The following MYO3B variants were observed in gnomAD, a reference collection of about 807,000 sequenced individuals.
MYO3B encodes myosin IIIB, also known as myosin-IIIb.
In MYO3B, 156 loss-of-function variants were observed where a neutral mutation model predicts 174.6. The observed-to-expected ratio is 0.89, with a 90% confidence interval of 0.78 to 1.02. MYO3B has a LOEUF of 1.02. MYO3B is among the 50% of genes least tolerant of loss of function. The probability of loss-of-function intolerance (pLI) is 0.00; values close to 1 mark genes in which losing one functional copy is unlikely to be tolerated. For synonymous variants in MYO3B, 563 were observed against 569.1 expected (o/e 0.99, Z 0.15); for missense variants, 1,632 against 1,639.4 (o/e 1.00, Z 0.08).
chr2:170,648,693 TATAATATATATTATATTCTATATA>T (rs1575339146), intron 32 of MYO3B, among the ~76,000 whole-genome samples: 2 of 131,936 alleles, frequency 1.5e-5, no homozygotes, highest in Non-Finnish European at 1.5e-5. Context: ...TTATATTCTA[TATAATATATATTATATTCTATATA>T]ATATGTAAAA....
intron 8 of MYO3B, among the ~76,000 whole-genome samples, chr2:170,355,584 C>T (rs1458457878): frequency 1.3e-5 from 2 of 152,200 alleles, no homozygotes; most frequent in Non-Finnish European, 2.9e-5. Flanking sequence ...TGCCAACTCC[C>T]ACTTGTGTGA....
chr2:170,304,927 C>T (rs1364014574), intron 7 of MYO3B, among the ~76,000 whole-genome samples: 1 of 151,020 alleles, frequency 6.6e-6, no homozygotes, highest in Non-Finnish European at 1.5e-5. Context: ...AAGAATCTGA[C>T]ATTTTAATAC....
intron 7 of MYO3B, among the ~76,000 whole-genome samples, chr2:170,285,326 C>T (rs1450755525): frequency 1.3e-5 from 2 of 151,512 alleles, no homozygotes; most frequent in Non-Finnish European, 2.9e-5. Flanking sequence ...AGGATACTAA[C>T]ATTTTATATT....
chr2:170,351,154 T>C (rs2094064577), intron 8 of MYO3B: 1 of 152,168 alleles, frequency 6.6e-6, no homozygotes, highest in Non-Finnish European at 1.5e-5. Context: ...AGTGCTCAGC[T>C]GGGCTGAAGT....
At chr2:170,287,655 A>G (rs560007583) in intron 7 of MYO3B, among the ~76,000 whole-genome samples, 1 of 152,058 alleles carries the variant, frequency 6.6e-6, no homozygotes, top group East Asian at 1.9e-4. Flanking sequence ...TGAATAGTTT[A>G]CAAATATTTT....
chr2:170,479,975 A>G (rs921004804), intron 25 of MYO3B, among the ~76,000 whole-genome samples: 1 of 148,746 alleles, frequency 6.7e-6, no homozygotes, highest in Admixed American at 6.8e-5. Context: ...ATGTATATGT[A>G]TATATATTAA....
intron 32 of MYO3B, among the ~76,000 whole-genome samples, chr2:170,596,831 T>TA (rs1694183135): frequency 6.6e-6 from 1 of 152,188 alleles, no homozygotes; most frequent in Non-Finnish European, 1.5e-5. Flanking sequence ...CACAGGCCTG[T>TA]AAAATAGGCT....
intron 16 of MYO3B, among the ~76,000 whole-genome samples, chr2:170,394,296 T>C (rs766059118): frequency 6.6e-6 from 1 of 152,042 alleles, no homozygotes; most frequent in African/African-American, 2.4e-5. Context: ...CTTAGGTGGG[T>C]TAAAAGAAAG....
chr2:170,326,958 T>C (rs1223894711), intron 7 of MYO3B, among the ~76,000 whole-genome samples: 1 of 152,240 alleles, frequency 6.6e-6, no homozygotes, highest in Non-Finnish European at 1.5e-5. Flanking sequence ...TTACTGACTA[T>C]AGTGGTTAGG....
chr2:170,384,147 G>C (rs2094356491), intron 12 of MYO3B, among the ~76,000 whole-genome samples: 1 of 152,148 alleles, frequency 6.6e-6, no homozygotes, highest in Non-Finnish European at 1.5e-5. Flanking sequence ...AATAAAAATA[G>C]CATATAGAAT....
intron 30 of MYO3B, among the ~76,000 whole-genome samples, chr2:170,537,200 CAA>C (rs1195145091): frequency 4.4e-3 from 69 of 15,678 alleles, no homozygotes; most frequent in African/African-American, 0.012. Flanking sequence ...GACTCTGTCT[CAA>C]AAAAAAAAAA....
chr2:170,336,431 A>G (rs916985618), intron 8 of MYO3B, among the ~76,000 whole-genome samples: 1 of 152,156 alleles, frequency 6.6e-6, no homozygotes, highest in African/African-American at 2.4e-5. Flanking sequence ...TCTTTTGATC[A>G]TCTTCCTTAA....
At chr2:170,602,826 G>C (rs1009450471) in intron 32 of MYO3B, among the ~76,000 whole-genome samples, 6 of 152,160 alleles carry the variant, frequency 3.9e-5, no homozygotes, top group African/African-American at 1.4e-4. Context: ...CAGCACTTTG[G>C]GAGGCCAAGG....
chr2:170,480,710 A>G (rs556066315), intron 25 of MYO3B, among the ~76,000 whole-genome samples: 4 of 152,268 alleles, frequency 2.6e-5, no homozygotes, highest in South Asian at 2.1e-4. Context: ...ACAATGTCCA[A>G]ATTGATTTGA....
chr2:170,291,796 C>T (rs1368339281), intron 7 of MYO3B, among the ~76,000 whole-genome samples: 1 of 151,888 alleles, frequency 6.6e-6, no homozygotes, highest in Non-Finnish European at 1.5e-5. Flanking sequence ...AAGCCTGTTG[C>T]CAGACAAATT....
At chr2:170,567,117 G>A (rs1046278630) in intron 32 of MYO3B, among the ~76,000 whole-genome samples, 2 of 152,292 alleles carry the variant, frequency 1.3e-5, no homozygotes. Context: ...TGCATAAATT[G>A]TTATGAAGAG....
chr2:170,552,195 A>G (rs540281149), intron 32 of MYO3B, among the ~76,000 whole-genome samples: 51 of 152,340 alleles, frequency 3.3e-4, no homozygotes, highest in Non-Finnish European at 5.7e-4. Context: ...ATGTAGAAGC[A>G]ACTTTGGAAC....
intron 12 of MYO3B, 125 bp downstream of exon 12, chr2:170,383,939 G>A: frequency 1.4e-6 from 1 of 703,602 alleles, no homozygotes; most frequent in East Asian, 2.6e-5. Context: ...AAAGAGACAG[G>A]AGATGAAGTG....
intron 23 of MYO3B, among the ~76,000 whole-genome samples, chr2:170,451,044 T>C (rs1410393153): frequency 2.6e-5 from 4 of 152,244 alleles, no homozygotes; most frequent in Admixed American, 1.3e-4. Flanking sequence ...TAAGACATTC[T>C]TTAAAACCCT....
Sources: gnomAD v4.1 joint callset for allele counts (sites outside exome capture counted in the v4.1 genomes callset) on GRCh38, gnomAD v4.1.1 for gene constraint, MANE v1.5 for transcripts, NCBI Gene and HGNC (gene_info 2026-07-23, HGNC 2026-07-21) for gene names.